Variants in SOHLH1 observed in about 807,000 individuals in gnomAD.
SOHLH1 encodes the protein spermatogenesis and oogenesis specific basic helix-loop-helix 1.
Under a neutral mutation model 36.2 loss-of-function variants are expected in SOHLH1, and 23 were observed. The observed-to-expected ratio is 0.64, with a 90% CI of 0.46 to 0.90. SOHLH1 has a LOEUF of 0.90. Among genes scored for constraint, SOHLH1 ranks in the 40% least tolerant of loss-of-function variants. The pLI is 0.00. For missense variants in SOHLH1, 608 were observed against 517.0 expected, an observed-to-expected ratio of 1.18 and a Z score of -1.71; for synonymous variants, 289 against 228.3, an observed-to-expected ratio of 1.27 and a Z score of -2.40.
At chr9:135,701,485 C>T (rs563736298), upstream of SOHLH1, among the ~76,000 whole-genome samples, 2 of 152,226 alleles carry the variant, frequency 1.3e-5, no homozygotes, top group Non-Finnish European at 2.9e-5. Flanking sequence ...GCCAGGGTGA[C>T]GCATGTGTAA....
In SOHLH1 at chr9:135,693,597, C is replaced by A; in HGVS notation, c.1164G>T (p.Ter388TyrextTer37). 1 of 1,565,468 alleles carries A rather than the reference C, an allele frequency of 6.4e-7. No homozygotes were observed. The highest frequency in any genetic ancestry group is 1.9e-5 in the Admixed American group (1 of 54,022). Residue 388 changes from the stop codon to tyrosine, a stop_lost, in exon 8 of 8, where the codon TAG (stop) becomes TAT (tyrosine). Transcript: ENST00000425225. ...ESIFPDFFAC[*>Y] ...CCGCCTCCTCTCCACAGCCTGGCTG[C>A]TAGCAGGCAAAGAAGTCAGGGAAGA...
intron 4 of SOHLH1, 67 bp from the exon 5 acceptor site, chr9:135,696,872 C>G: frequency 6.5e-7 from 1 of 1,540,894 alleles, no homozygotes; most frequent in Non-Finnish European, 8.8e-7. Context: ...TGCCCCCACC[C>G]ACCCCAAGAG....
chr9:135,698,984 C>T lies in SOHLH1; in HGVS notation c.197+11G>A, dbSNP rs765265680. On this transcript the variant is annotated intron_variant, in intron 2 of 7. Coordinates refer to ENST00000425225, the MANE Select transcript of SOHLH1 (RefSeq NM_001101677.2). ...ACAGCGCCCTCACCCCTGGGAGGCACCACCACTCACCTGCGCTCCCTCTCG... is the reference window on the plus strand; with the variant it reads ...ACAGCGCCCTCACCCCTGGGAGGCATCACCACTCACCTGCGCTCCCTCTCG... 6 of 1,611,230 alleles carry T rather than the reference C, an allele frequency of 3.7e-6. No individual in the cohort carries two copies. The South Asian group carries it at 5.5e-5, about 15-fold the overall frequency.
Position 135,696,829 on chromosome 9 carries a change from A to T in SOHLH1, c.468-24T>A, listed in dbSNP as rs757157210. On this transcript the variant is annotated intron_variant, in intron 4 of 7. Transcript: ENST00000425225. Reference sequence around the variant, plus strand: ...TTCTAGAAGGAGCAACATGACAAGGATCCTGGGTCTATTCCCCAGCCCCCT... The same window carrying T: ...TTCTAGAAGGAGCAACATGACAAGGTTCCTGGGTCTATTCCCCAGCCCCCT... The T allele has an allele frequency of 1.9e-6, 3 of 1,612,256 alleles. No individual in the cohort carries two copies. The South Asian group carries it at 3.3e-5, about 18-fold the overall frequency.
At position 135,699,419 on chromosome 9, in the gene SOHLH1, T is replaced by G; in HGVS notation, c.49A>C (p.Thr17Pro). 6.2e-7 allele frequency: 1 copy of G among 1,612,110 alleles called. No individual in the cohort carries two copies. The highest frequency in any genetic ancestry group is 8.5e-7 in the Non-Finnish European group (1 of 1,179,744). The change falls in exon 1 of 8, where the codon ACC becomes CCC. Residue 17 changes from threonine to proline, a missense_variant. Transcript: ENST00000425225. ...EPYPEVSRIPTVRGCNGSLSG... is the reference protein window; with the variant it reads ...EPYPEVSRIPPVRGCNGSLSG... ...ATTCCTCACTTGCATCCCCTGACGG[T>G]AGGGATTCTGGAGACCTCCGGGTAG... is the stretch of plus-strand genomic sequence containing the variant.
At chr9:135,699,268 A>ACCCCTT in intron 1 of SOHLH1, 135 bp downstream of exon 1, 1 of 1,496,124 alleles carries the variant, frequency 6.7e-7, no homozygotes, top group Non-Finnish European at 9.1e-7. Context: ...CCCTCTCTGC[A>ACCCCTT]CCCCTTCCCC....
chr9:135,699,430 G>A lies in SOHLH1; in HGVS notation c.38C>T (p.Ser13Phe). The A allele has an allele frequency of 1.9e-6, 3 of 1,612,332 alleles. No homozygotes were observed. The highest frequency in any genetic ancestry group is 2.5e-6 in the Non-Finnish European group (3 of 1,179,804). ...GCATCCCCTGACGGTAGGGATTCTG[G>A]AGACCTCCGGGTAGGGCTCGGAGCA... ...SRCSEPYPEVSRIPTVRGCNG... is the reference protein window; with the variant it reads ...SRCSEPYPEVFRIPTVRGCNG... Residue 13 changes from serine (S) to phenylalanine (F), a missense_variant, in exon 1 of 8, where the codon TCC becomes TTC. Ser to Phe is a radical substitution (Grantham distance 155). Transcript: ENST00000425225.
intron 7 of SOHLH1, 130 bp downstream of exon 7, chr9:135,694,257 G>A: frequency 6.5e-7 from 1 of 1,536,118 alleles, no homozygotes; most frequent in South Asian, 1.2e-5. Flanking sequence ...AGCACCAACG[G>A]TGGAGAAAAC....
chr9:135,695,712 G>A (rs1354911932), intron 5 of SOHLH1, among the ~76,000 whole-genome samples: 2 of 152,154 alleles, frequency 1.3e-5, no homozygotes, highest in East Asian at 3.9e-4. Context: ...GGAGCCAAAA[G>A]GCACAGCCCT....
chr9:135,697,773 GACA>G (rs1377873583), intron 3 of SOHLH1, 146 bp from the exon 4 acceptor site: 1 of 987,996 alleles, frequency 1.0e-6, no homozygotes, highest in South Asian at 1.4e-5. Flanking sequence ...AGTACAGGTT[GACA>G]ACGAGGCTGA....
intron 5 of SOHLH1, 38 bp from the exon 6 acceptor site, chr9:135,695,301 C>G: frequency 1.3e-6 from 2 of 1,556,018 alleles, no homozygotes; most frequent in Non-Finnish European, 1.7e-6. Context: ...CCTTCCCTGC[C>G]CAGCCCCACA....
intron 4 of SOHLH1, 96 bp from the exon 5 acceptor site, chr9:135,696,901 C>A: frequency 2.3e-6 from 3 of 1,309,124 alleles, no homozygotes; most frequent in Non-Finnish European, 3.2e-6. Flanking sequence ...TGGACCCATC[C>A]CCAGGACACC....
At position 135,697,521 on chromosome 9, in the gene SOHLH1, G is replaced by A. The variant is rs766103110; in HGVS notation, c.452C>T (p.Ala151Val). The A allele has an allele frequency of 2.7e-5, 44 of 1,611,328 alleles. No homozygotes were observed. Among genetic ancestry groups the A allele is most frequent in the Non-Finnish European group, 3.6e-5 (43 of 1,179,526 alleles). Reference protein sequence around the residue: ...QAGVPDPGTGASSGTRTPDVK... With the variant: ...QAGVPDPGTGVSSGTRTPDVK... Reference sequence around the variant, plus strand: ...AGACACTAACCGAGTCCCGCTGGACGCTCCCGTCCCAGGGTCTGGCACACC... The same window carrying A: ...AGACACTAACCGAGTCCCGCTGGACACTCCCGTCCCAGGGTCTGGCACACC... Residue 151 changes from alanine (A) to valine (V), a missense_variant, in exon 4 of 8, where the codon GCG becomes GTG. Transcript: ENST00000425225.
chr9:135,693,474 G>C lies in SOHLH1; in HGVS notation c.*123C>G. On this transcript the variant is annotated 3_prime_UTR_variant, in exon 8 of 8. Coordinates refer to ENST00000425225, the MANE Select transcript of SOHLH1 (RefSeq NM_001101677.2). ...ACTATCCTCTTCTCACAGCCTGTAA[G>C]CCTCGCTCAAATTAGGGTGCAGCTG... is the stretch of plus-strand genomic sequence containing the variant. 1 of 1,316,920 alleles carries C rather than the reference G, an allele frequency of 7.6e-7. No homozygotes were observed. The highest frequency in any genetic ancestry group is 1.5e-5 in the African/African-American group (1 of 67,548). 81.6% of individuals were successfully genotyped at this position (1,316,920 alleles called of 1,614,324 possible).
At chr9:135,698,676 C>T (rs953731452) in intron 2 of SOHLH1, among the ~76,000 whole-genome samples, 200 bp from the exon 3 acceptor site, 3 of 152,142 alleles carry the variant, frequency 2.0e-5, no homozygotes, top group African/African-American at 7.2e-5. Context: ...TGGACCTCGG[C>T]GACAGGCTGT....
intron 6 of SOHLH1, 21 bp from the exon 7 acceptor site, chr9:135,694,478 C>T (rs750174565): frequency 1.9e-6 from 3 of 1,611,694 alleles, no homozygotes; most frequent in African/African-American, 2.7e-5. Flanking sequence ...CAAGCTCTTC[C>T]TCAGTGGCCA....
At chr9:135,693,888 G>A in intron 7 of SOHLH1, 74 bp from the exon 8 acceptor site, 4 of 1,497,452 alleles carry the variant, frequency 2.7e-6, no homozygotes, top group Non-Finnish European at 2.7e-6. Context: ...TGGGGTCGGA[G>A]GAACAGAGCT....
At position 135,697,485 on chromosome 9, in the gene SOHLH1, C is replaced by T. The variant is rs531146007; in HGVS notation, c.467+21G>A. 663 of 1,603,804 alleles carry T rather than the reference C, an allele frequency of 4.1e-4. 5 individuals are homozygous for T. The South Asian group carries it at 6.6e-3, about 16-fold the overall frequency. On this transcript the variant is annotated intron_variant, in intron 4 of 7. Transcript: ENST00000425225. The stretch of plus-strand genomic sequence containing the variant: ...CCCAGGGTCACCCAGCCCTGGAGAG[C>T]GGGCCCCAGGAGACACTAACCGAGT...
Position 135,693,616 on chromosome 9 carries a change from G to T in SOHLH1, c.1145C>A (p.Pro382His), listed in dbSNP as rs1721577408. ...TGGCTGCTAGCAGGCAAAGAAGTCAGGGAAGATGCTCTCCACCTCGTCCTT... is the reference window on the plus strand; with the variant it reads ...TGGCTGCTAGCAGGCAAAGAAGTCATGGAAGATGCTCTCCACCTCGTCCTT... Reference protein sequence around the residue: ...ALKDEVESIFPDFFAC With the variant: ...ALKDEVESIFHDFFAC Residue 382 changes from proline (P) to histidine (H), a missense_variant, in exon 8 of 8, where the codon CCT becomes CAT. Physicochemically the swap from Pro to His is moderately conservative, Grantham distance 77 (BLOSUM62 -2). Transcript: ENST00000425225. The T allele has an allele frequency of 6.3e-7, 1 of 1,580,628 alleles. No homozygotes were observed. The highest frequency in any genetic ancestry group is 8.6e-7 in the Non-Finnish European group (1 of 1,163,598).
Sources: allele counts gnomAD v4.1 joint callset (sites outside exome capture counted in the v4.1 genomes callset), GRCh38; gene constraint gnomAD v4.1.1; transcripts MANE v1.5; gene names NCBI Gene and HGNC (gene_info 2026-07-23, HGNC 2026-07-21).